Variants in LRRTM4 observed in about 807,000 individuals in gnomAD.
LRRTM4 encodes leucine rich repeat transmembrane neuronal 4, also known as leucine-rich repeat transmembrane neuronal protein 4.
LRRTM4 carries 25 observed loss-of-function variants against 47.6 expected under a neutral mutation model. The observed-to-expected ratio is 0.53, with a 90% CI of 0.38 to 0.73. The LOEUF (loss-of-function observed/expected upper bound fraction) is 0.73. Among genes scored for constraint, LRRTM4 ranks in the 30% least tolerant of loss-of-function variants. The pLI is 0.00. For synonymous variants in LRRTM4, 311 were observed against 269.5 expected (o/e 1.15, Z -1.51); for missense variants, 638 against 713.4 (o/e 0.89, Z 1.20).
intron 3 of LRRTM4, among the ~76,000 whole-genome samples, chr2:76,927,328 G>A (rs1194074980): frequency 6.6e-6 from 1 of 152,096 alleles, no homozygotes; most frequent in Non-Finnish European, 1.5e-5. Context: ...ACTTCCTTAT[G>A]AGTTTTAGAC....
chr2:76,889,461 C>A (rs1374767863), intron 3 of LRRTM4, among the ~76,000 whole-genome samples: 1 of 151,708 alleles, frequency 6.6e-6, no homozygotes, highest in African/African-American at 2.4e-5. Flanking sequence ...ATAAAGTATC[C>A]CTTCCTTCAA....
chr2:77,436,485 TTAAA>T (rs1558742676), intron 3 of LRRTM4, among the ~76,000 whole-genome samples: 1 of 151,812 alleles, frequency 6.6e-6, no homozygotes, highest in Non-Finnish European at 1.5e-5. Context: ...TACCATAAGA[TTAAA>T]TAAAAATTAG....
At chr2:77,424,909 T>A (rs2103890398) in intron 3 of LRRTM4, among the ~76,000 whole-genome samples, 1 of 152,304 alleles carries the variant, frequency 6.6e-6, no homozygotes, top group Middle Eastern at 3.4e-3. Context: ...TTAAAATTTC[T>A]CAGAGCTCCA....
At chr2:76,901,050 TTTTTA>T (rs773464226) in intron 3 of LRRTM4, among the ~76,000 whole-genome samples, 4 of 152,198 alleles carry the variant, frequency 2.6e-5, no homozygotes, top group Admixed American at 6.5e-5. Context: ...TTAATTTGTA[TTTTTA>T]TTTTAAGTTC....
intron 3 of LRRTM4, among the ~76,000 whole-genome samples, chr2:76,853,183 C>T (rs999347592): frequency 5.3e-5 from 8 of 152,060 alleles, no homozygotes; most frequent in East Asian, 1.9e-4. Flanking sequence ...AGATAGATAA[C>T]GCTGGGTACA....
Position 77,122,162 on chromosome 2 carries a change from A to C in LRRTM4, c.1552-373246T>G, listed in dbSNP as rs1671536210. On this transcript the variant is annotated intron_variant, in intron 3 of 3. Coordinates refer to ENST00000409884, the MANE Select transcript of LRRTM4 (RefSeq NM_001134745.3). ...ATATATTAAACAATCAAGTTTCATAAATGGCAACCACACAAACATTTCCTG... is the reference window on the plus strand; with the variant it reads ...ATATATTAAACAATCAAGTTTCATACATGGCAACCACACAAACATTTCCTG... Among the ~76,000 whole-genome samples the C allele has an allele frequency of 3.3e-5, 5 of 151,862 alleles. No homozygotes were observed. The South Asian group carries it at 1.0e-3, about 31-fold the overall frequency.
chr2:76,756,024 T>G (rs1402631940), intron 3 of LRRTM4, among the ~76,000 whole-genome samples: 1 of 152,122 alleles, frequency 6.6e-6, no homozygotes, highest in Non-Finnish European at 1.5e-5. Flanking sequence ...AGATGCTTTG[T>G]GGCAATAAGA....
At chr2:77,447,101 A>G (rs745727940) in intron 3 of LRRTM4, among the ~76,000 whole-genome samples, 1 of 152,110 alleles carries the variant, frequency 6.6e-6, no homozygotes, top group Non-Finnish European at 1.5e-5. Context: ...ATACAATGTG[A>G]ATGAACATAT....
At chr2:76,978,197 A>C (rs1358515309) in intron 3 of LRRTM4, among the ~76,000 whole-genome samples, 1 of 151,964 alleles carries the variant, frequency 6.6e-6, no homozygotes, top group Non-Finnish European at 1.5e-5. Flanking sequence ...TGCCTCCTCC[A>C]CCAGGACAGT....
chr2:76,965,965 C>T (rs1164677964), intron 3 of LRRTM4, among the ~76,000 whole-genome samples: 2 of 151,318 alleles, frequency 1.3e-5, no homozygotes, highest in African/African-American at 4.8e-5. Flanking sequence ...TACTCACTGG[C>T]CAGCTTCAAA....
intron 3 of LRRTM4, among the ~76,000 whole-genome samples, chr2:77,490,384 A>AG (rs1678097043): frequency 1.3e-5 from 2 of 152,200 alleles, no homozygotes; most frequent in African/African-American, 4.8e-5. Context: ...TAAGTATTTG[A>AG]GAAAACTATT....
intron 3 of LRRTM4, among the ~76,000 whole-genome samples, chr2:76,780,396 A>T (rs1454011811): frequency 3.9e-5 from 6 of 152,128 alleles, no homozygotes; most frequent in African/African-American, 7.2e-5. Context: ...TTTCAGGTAC[A>T]CCAATCAGAC....
intron 3 of LRRTM4, among the ~76,000 whole-genome samples, chr2:76,774,198 A>G (rs938056532): frequency 1.3e-5 from 2 of 149,670 alleles, no homozygotes; most frequent in African/African-American, 4.9e-5. Context: ...TTTTATTTTT[A>G]GTTTTTAGAT....
intron 3 of LRRTM4, among the ~76,000 whole-genome samples, chr2:76,936,834 A>C (rs1295267859): frequency 6.6e-6 from 1 of 150,980 alleles, no homozygotes; most frequent in Non-Finnish European, 1.5e-5. Flanking sequence ...GGCAACTGTA[A>C]TCCCAGCTAC....
chr2:77,273,222 G>A (rs1203886289), intron 3 of LRRTM4, among the ~76,000 whole-genome samples: 1 of 152,042 alleles, frequency 6.6e-6, no homozygotes, highest in African/African-American at 2.4e-5. Flanking sequence ...ATATGTAATG[G>A]ATGTGTTAAA....
At chr2:77,118,377 CATT>C (rs1671444000) in intron 3 of LRRTM4, among the ~76,000 whole-genome samples, 2 of 151,954 alleles carry the variant, frequency 1.3e-5, no homozygotes, top group African/African-American at 4.8e-5. Context: ...ATGATATACT[CATT>C]ATTAGCATCA....
chr2:77,295,781 A>G (rs1676957069), intron 3 of LRRTM4, among the ~76,000 whole-genome samples: 1 of 151,970 alleles, frequency 6.6e-6, no homozygotes, highest in African/African-American at 2.4e-5. Flanking sequence ...TCCTCCTAAA[A>G]GGACACCAAT....
At position 77,119,382 on chromosome 2, in the gene LRRTM4, A is replaced by T. The variant is rs1189056863; in HGVS notation, c.1552-370466T>A. ...GGTACAATTTTCTCCCAGTTGAGTA[A>T]GTTTCCTCACATTGCAGTTTGGGAG... is the stretch of plus-strand genomic sequence containing the variant. On this transcript the variant is annotated intron_variant, in intron 3 of 3. Coordinates refer to ENST00000409884, the MANE Select transcript of LRRTM4 (RefSeq NM_001134745.3). 5.9e-5 allele frequency among the ~76,000 whole-genome samples: 9 copies of T among 151,830 alleles called. No homozygotes were observed. The East Asian group carries it at 1.7e-3, about 29-fold the overall frequency.
At chr2:76,835,892 T>G (rs1338360089) in intron 3 of LRRTM4, among the ~76,000 whole-genome samples, 2 of 152,046 alleles carry the variant, frequency 1.3e-5, no homozygotes, top group African/African-American at 4.8e-5. Flanking sequence ...TTGGAGTGAA[T>G]AATCATGTGA....
Sources: gnomAD v4.1 joint callset for allele counts (sites outside exome capture counted in the v4.1 genomes callset) on GRCh38, gnomAD v4.1.1 for gene constraint, MANE v1.5 for transcripts, NCBI Gene and HGNC (gene_info 2026-07-23, HGNC 2026-07-21) for gene names.